Variants in ACSL3 observed in about 807,000 individuals in gnomAD.
ACSL3 encodes fatty acid CoA ligase Acsl3.
A neutral mutation model predicts 84.7 loss-of-function variants in ACSL3; 34 were observed. The observed-to-expected ratio is 0.40, with a 90% CI of 0.31 to 0.53. The LOEUF (loss-of-function observed/expected upper bound fraction) is 0.53. Among genes scored for constraint, ACSL3 ranks in the 20% least tolerant of loss-of-function variants. ACSL3 has a pLI of 0.48. For missense variants in ACSL3, 680 were observed against 873.1 expected, an observed-to-expected ratio of 0.78 and a Z score of 2.79; for synonymous variants, 315 against 299.4, an observed-to-expected ratio of 1.05 and a Z score of -0.54.
rs572945439 is a variant in ACSL3, at chr2:222,944,459, C to A, written c.*2805C>A. The stretch of plus-strand genomic sequence containing the variant: ...GGACCACACTGAAATGTCATATATC[C>A]TTTCTCTACTTAAAATTGGTTATTT... On this transcript the variant is annotated 3_prime_UTR_variant, in exon 17 of 17. Transcript: ENST00000357430. The A allele has an allele frequency of 4.6e-5, 7 of 152,128 alleles. No individual in the cohort carries two copies. In the South Asian group the frequency reaches 1.2e-3, roughly 27 times the overall value. The allele number at this position is 152,128 out of a possible 1,614,324, so 9.4% of individuals were successfully genotyped here.
chr2:222,873,391 T>TA (rs765274629), intron 1 of ACSL3, among the ~76,000 whole-genome samples: 9 of 152,254 alleles, frequency 5.9e-5, no homozygotes, highest in Non-Finnish European at 1.2e-4. Context: ...CTAAGTTTAC[T>TA]ATTCAATTTC....
chr2:222,937,819 T>C (rs908444346), intron 16 of ACSL3, among the ~76,000 whole-genome samples: 1 of 152,166 alleles, frequency 6.6e-6, no homozygotes, highest in Non-Finnish European at 1.5e-5. Flanking sequence ...AGACTTTTCA[T>C]ACCTATTTCC....
At chr2:222,939,008 G>A (rs1043121806) in intron 16 of ACSL3, among the ~76,000 whole-genome samples, 1 of 150,590 alleles carries the variant, frequency 6.6e-6, no homozygotes, top group East Asian at 2.0e-4. Flanking sequence ...TTCATGCGTT[G>A]TTTTCTTGTT....
At chr2:222,891,729 A>G (rs534006952) in intron 2 of ACSL3, among the ~76,000 whole-genome samples, 7 of 152,294 alleles carry the variant, frequency 4.6e-5, no homozygotes, top group African/African-American at 1.2e-4. Flanking sequence ...CTGCTTTTTC[A>G]TGTAGATATA....
intron 9 of ACSL3, 44 bp downstream of exon 9, chr2:222,922,875 G>T (rs749323299): frequency 1.9e-6 from 3 of 1,609,024 alleles, no homozygotes; most frequent in Non-Finnish European, 2.5e-6. Flanking sequence ...AAATCATAGT[G>T]AATTGTAATG....
intron 2 of ACSL3, among the ~76,000 whole-genome samples, chr2:222,888,314 A>G (rs1344671085): frequency 6.6e-6 from 1 of 152,198 alleles, no homozygotes. Flanking sequence ...TGGTTATTAC[A>G]GTTGTCATGG....
intron 2 of ACSL3, among the ~76,000 whole-genome samples, chr2:222,899,082 T>TA (rs1311182065): frequency 6.6e-6 from 1 of 152,030 alleles, no homozygotes; most frequent in Non-Finnish European, 1.5e-5. Flanking sequence ...TTCACCGTCA[T>TA]ACGATATAGA....
intron 1 of ACSL3, among the ~76,000 whole-genome samples, chr2:222,880,557 G>A (rs530851227): frequency 4.6e-5 from 7 of 152,138 alleles, no homozygotes; most frequent in East Asian, 3.9e-4. Flanking sequence ...GGCCGGGCGC[G>A]GTGGCTCATG....
intron 6 of ACSL3, among the ~76,000 whole-genome samples, 183 bp from the exon 7 acceptor site, chr2:222,918,881 A>G (rs1469769958): frequency 1.3e-5 from 2 of 152,026 alleles, no homozygotes; most frequent in Non-Finnish European, 2.9e-5. Flanking sequence ...ATAAAATAAT[A>G]ATTTAAATTC....
At chr2:222,898,560 A>C (rs1696051061) in intron 2 of ACSL3, among the ~76,000 whole-genome samples, 1 of 152,236 alleles carries the variant, frequency 6.6e-6, no homozygotes, top group South Asian at 2.1e-4. Flanking sequence ...TCCATGGGCC[A>C]CATTTAAGAA....
intron 2 of ACSL3, among the ~76,000 whole-genome samples, chr2:222,896,383 C>A (rs1695977226): frequency 7.2e-5 from 2 of 27,704 alleles, no homozygotes. Flanking sequence ...GGGGCTGACC[C>A]CCCCACCTCC....
intron 1 of ACSL3, among the ~76,000 whole-genome samples, chr2:222,864,022 G>A (rs1238887583): frequency 6.6e-6 from 1 of 151,782 alleles, no homozygotes; most frequent in Non-Finnish European, 1.5e-5. Context: ...CCTTTTAAGA[G>A]CCATATATGA....
intron 1 of ACSL3, among the ~76,000 whole-genome samples, chr2:222,869,191 G>A (rs986229756): frequency 6.6e-6 from 1 of 152,106 alleles, no homozygotes; most frequent in African/African-American, 2.4e-5. Context: ...CAGTGGAGAA[G>A]GAACCATTGC....
intron 12 of ACSL3, 132 bp downstream of exon 12, chr2:222,927,321 A>C: frequency 2.3e-6 from 2 of 859,250 alleles, no homozygotes; most frequent in South Asian, 5.1e-5. Context: ...GATTCCAAGT[A>C]CTATGATCAT....
chr2:222,877,453 G>A (rs1344319245), intron 1 of ACSL3, among the ~76,000 whole-genome samples: 3 of 152,200 alleles, frequency 2.0e-5, no homozygotes, highest in African/African-American at 7.2e-5. Flanking sequence ...TATTGAGAAT[G>A]AAAAGCATAG....
At chr2:222,924,305 G>T (rs997899556) in intron 10 of ACSL3, 151 bp from the exon 11 acceptor site, 31 of 638,094 alleles carry the variant, frequency 4.9e-5, no homozygotes, top group Non-Finnish European at 6.9e-5. Flanking sequence ...ATTCACAAAA[G>T]GTTTTTTCCT....
At chr2:222,922,392 C>T (rs1696763311) in intron 8 of ACSL3, among the ~76,000 whole-genome samples, 1 of 152,196 alleles carries the variant, frequency 6.6e-6, no homozygotes, top group South Asian at 2.1e-4. Context: ...GTTTCTTGTG[C>T]CTCAGTACTT....
chr2:222,917,411 A>T (rs1025943420), intron 5 of ACSL3: 3 of 152,210 alleles, frequency 2.0e-5, no homozygotes, highest in Non-Finnish European at 4.4e-5. Flanking sequence ...TCTTTTAAAC[A>T]AACATTCCAT....
intron 2 of ACSL3, among the ~76,000 whole-genome samples, chr2:222,889,498 G>A (rs1323536625): frequency 6.6e-6 from 1 of 152,216 alleles, no homozygotes; most frequent in East Asian, 1.9e-4. Context: ...AATTGCTTAT[G>A]TTCAGAAGTC....
Sources: gnomAD v4.1 joint callset for allele counts (sites outside exome capture counted in the v4.1 genomes callset) on GRCh38, gnomAD v4.1.1 for gene constraint, MANE v1.5 for transcripts, NCBI Gene and HGNC (gene_info 2026-07-23, HGNC 2026-07-21) for gene names.